Variants in NXN observed in about 807,000 individuals in gnomAD.
NXN encodes nucleoredoxin 1.
In NXN, 16 loss-of-function variants were observed where a neutral mutation model predicts 48.6. The ratio of observed to expected loss-of-function variants is 0.33; its 90% CI spans 0.22 to 0.50. The LOEUF (loss-of-function observed/expected upper bound fraction) is 0.50. Ranked by LOEUF, NXN falls within the 20% of genes least tolerant of loss-of-function variation. The pLI, the probability that NXN is intolerant of heterozygous loss-of-function variation, is 0.98. For missense variants in NXN, 492 were observed against 605.5 expected, an observed-to-expected ratio of 0.81 and a Z score of 1.97; for synonymous variants, 281 against 269.6, an observed-to-expected ratio of 1.04 and a Z score of -0.41.
chr17:938,404 G>A (rs978292611), intron 1 of NXN, among the ~76,000 whole-genome samples: 21 of 152,324 alleles, frequency 1.4e-4, no homozygotes, highest in African/African-American at 3.8e-4. Context: ...CAGCCCGGCC[G>A]GGCGCGGCGG....
At chr17:876,689 T>C (rs908778461) in intron 1 of NXN, among the ~76,000 whole-genome samples, 1 of 152,212 alleles carries the variant, frequency 6.6e-6, no homozygotes, top group Non-Finnish European at 1.5e-5. Context: ...TCCTCATTTA[T>C]ACGGGAAACT....
chr17:910,273 G>A (rs1414222927), intron 1 of NXN, among the ~76,000 whole-genome samples: 3 of 152,094 alleles, frequency 2.0e-5, no homozygotes, highest in African/African-American at 7.2e-5. Flanking sequence ...TGAGCCAGGC[G>A]TGGTGGCGGG....
At position 825,857 on chromosome 17, in the gene NXN, T is replaced by C; in HGVS notation, c.478+104A>G. On this transcript the variant is annotated intron_variant, in intron 2 of 7. Coordinates refer to ENST00000336868, the MANE Select transcript of NXN (RefSeq NM_022463.5). This position sits in a 1 kb window ranked among gnomAD's most constrained non-coding sequence, Gnocchi z 4.1. ...TACCACGTAAACCCACGTGTATCTA[T>C]TTCACCAGTACTCTCTCCACCGGTG... 2 of 723,748 alleles carry C rather than the reference T, an allele frequency of 2.8e-6. No individual in the cohort carries two copies. The highest frequency in any genetic ancestry group is 3.5e-5 in the South Asian group (2 of 56,744). 44.8% of individuals were successfully genotyped at this position (723,748 alleles called of 1,614,324 possible).
At chr17:924,305 C>T (rs900399426) in intron 1 of NXN, among the ~76,000 whole-genome samples, 43 of 152,296 alleles carry the variant, frequency 2.8e-4, no homozygotes, top group African/African-American at 5.8e-4. Flanking sequence ...GGCGCGATCT[C>T]GGCTCACTGC....
At chr17:801,281 G>A in intron 7 of NXN, 150 bp from the exon 8 acceptor site, 1 of 514,746 alleles carries the variant, frequency 1.9e-6, no homozygotes, top group Non-Finnish European at 3.1e-6. Flanking sequence ...GGGAAGGAGG[G>A]AACCCTGCCC....
At chr17:902,660 C>G (rs1339351064) in intron 1 of NXN, among the ~76,000 whole-genome samples, 1 of 152,124 alleles carries the variant, frequency 6.6e-6, no homozygotes, top group East Asian at 1.9e-4. Context: ...TCACACAGAA[C>G]AAGCACCACG....
At chr17:939,626 G>A (rs989744648) in intron 1 of NXN, among the ~76,000 whole-genome samples, 11 of 151,992 alleles carry the variant, frequency 7.2e-5, no homozygotes, top group Non-Finnish European at 1.0e-4. Context: ...GATTACAGGC[G>A]TGAGCCACCG....
At chr17:850,751 CAT>C (rs1258687088) in intron 1 of NXN, among the ~76,000 whole-genome samples, 1 of 152,210 alleles carries the variant, frequency 6.6e-6, no homozygotes, top group African/African-American at 2.4e-5. Flanking sequence ...GAATCACACA[CAT>C]GATATTCAGA....
At chr17:801,190 C>G (rs766872361) in intron 7 of NXN, 59 bp from the exon 8 acceptor site, 11 of 1,345,870 alleles carry the variant, frequency 8.2e-6, no homozygotes, top group Non-Finnish European at 1.1e-5. Flanking sequence ...GGGGGAGAGT[C>G]CCCTGGGCCC....
At chr17:837,618 C>G (rs1312938909) in intron 1 of NXN, among the ~76,000 whole-genome samples, 2 of 152,210 alleles carry the variant, frequency 1.3e-5, no homozygotes, top group African/African-American at 4.8e-5. Flanking sequence ...GCCCAGAATG[C>G]TCCTGAAATG....
intron 1 of NXN, among the ~76,000 whole-genome samples, chr17:851,898 G>A (rs571995049): frequency 3.3e-5 from 5 of 152,374 alleles, no homozygotes; most frequent in Admixed American, 1.3e-4. Flanking sequence ...CTATGGAAGG[G>A]AGATTAGCAA....
rs1597221896 is a variant in NXN, at chr17:896,132, G to A, written c.361-70054C>T. 2.6e-5 allele frequency among the ~76,000 whole-genome samples: 4 copies of A among 152,108 alleles called. No individual in the cohort carries two copies. In the South Asian group the frequency reaches 6.2e-4, roughly 24 times the overall value. Reference sequence around the variant, plus strand: ...AGGCAGGCGGATCACCTGAGGTCGGGAGTTCGAGACCAGCCTGACAACATG... The same window carrying A: ...AGGCAGGCGGATCACCTGAGGTCGGAAGTTCGAGACCAGCCTGACAACATG... On this transcript the variant is annotated intron_variant, in intron 1 of 7. Coordinates refer to ENST00000336868, the MANE Select transcript of NXN (RefSeq NM_022463.5).
At chr17:912,824 C>A (rs1055835370) in intron 1 of NXN, among the ~76,000 whole-genome samples, 1 of 151,856 alleles carries the variant, frequency 6.6e-6, no homozygotes, top group Non-Finnish European at 1.5e-5. Context: ...CGTGGTGGTA[C>A]GTGTCTGTAA....
At chr17:976,745 G>T (rs1278022593) in intron 1 of NXN, among the ~76,000 whole-genome samples, 1 of 151,228 alleles carries the variant, frequency 6.6e-6, no homozygotes, top group East Asian at 1.9e-4. Flanking sequence ...ACATCTCTTT[G>T]GTTTCAAGGG....
chr17:891,016 T>G (rs914606449), intron 1 of NXN, among the ~76,000 whole-genome samples: 5 of 97,914 alleles, frequency 5.1e-5, no homozygotes, highest in Admixed American at 1.3e-4. Context: ...TCAATCTATC[T>G]ATCGGTCTGT....
intron 1 of NXN, among the ~76,000 whole-genome samples, chr17:862,009 T>C (rs1219740753): frequency 6.6e-6 from 1 of 152,064 alleles, no homozygotes; most frequent in East Asian, 1.9e-4. Context: ...TTTTGTATTT[T>C]TGATGGAGAC....
intron 1 of NXN, among the ~76,000 whole-genome samples, chr17:953,913 G>T (rs1359086569): frequency 6.6e-6 from 1 of 152,206 alleles, no homozygotes; most frequent in Non-Finnish European, 1.5e-5. Flanking sequence ...CCCAGCCTGC[G>T]TGACGGGTGC....
chr17:803,472 G>A (rs1044420513), intron 7 of NXN, among the ~76,000 whole-genome samples: 2 of 152,228 alleles, frequency 1.3e-5, no homozygotes, highest in Non-Finnish European at 2.9e-5. Flanking sequence ...AGGCTGCCGA[G>A]CATGGACGGG....
intron 1 of NXN, among the ~76,000 whole-genome samples, chr17:957,416 G>A (rs1356865306): frequency 2.0e-5 from 3 of 152,050 alleles, no homozygotes; most frequent in East Asian, 3.9e-4. Context: ...GGTGGATCAT[G>A]AGGTCAGGAG....
Sources: gnomAD v4.1 joint callset for allele counts (sites outside exome capture counted in the v4.1 genomes callset) on GRCh38, gnomAD v4.1.1 for gene constraint, Gnocchi (gnomAD v3.1) non-coding constraint, MANE v1.5 for transcripts, NCBI Gene and HGNC (gene_info 2026-07-23, HGNC 2026-07-21) for gene names.